The following GTF2A1L variants were observed in gnomAD, a reference collection of about 807,000 sequenced individuals.
GTF2A1L encodes general transcription factor IIA subunit 1 like.
A neutral mutation model predicts 49.7 loss-of-function variants in GTF2A1L; 48 were observed. The observed-to-expected ratio is 0.97, with a 90% CI of 0.77 to 1.23. GTF2A1L has a LOEUF of 1.23. GTF2A1L is among the 50% of genes most tolerant of loss of function. The probability of loss-of-function intolerance (pLI) is 0.00; values close to 1 mark genes in which losing one functional copy is unlikely to be tolerated. For missense variants in GTF2A1L, 736 were observed against 564.8 expected (o/e 1.30, Z -3.07); for synonymous variants, 246 against 193.5 (o/e 1.27, Z -2.25).
At chr2:48,644,401 T>C (rs1315322401) in intron 4 of GTF2A1L, among the ~76,000 whole-genome samples, 1 of 152,216 alleles carries the variant, frequency 6.6e-6, no homozygotes, top group African/African-American at 2.4e-5. Flanking sequence ...TAGTACAAAT[T>C]GACCTTCGTG....
intron 3 of GTF2A1L, among the ~76,000 whole-genome samples, chr2:48,631,800 T>C (rs1485052431): frequency 1.3e-5 from 2 of 152,202 alleles, no homozygotes; most frequent in Non-Finnish European, 2.9e-5. Flanking sequence ...TTTAGTACTA[T>C]ACAGTTTCCT....
At chr2:48,648,188 T>C (rs779607916) in intron 6 of GTF2A1L, among the ~76,000 whole-genome samples, 1 of 152,132 alleles carries the variant, frequency 6.6e-6, no homozygotes, top group Non-Finnish European at 1.5e-5. Flanking sequence ...TTTTAGTTTT[T>C]CTATAAGTGT....
intron 3 of GTF2A1L, 46 bp from the exon 4 acceptor site, chr2:48,642,356 A>G: frequency 6.8e-7 from 1 of 1,477,752 alleles, no homozygotes; most frequent in Non-Finnish European, 9.2e-7. Context: ...ATTTTATTAA[A>G]TTGGTAAATT....
intron 3 of GTF2A1L, among the ~76,000 whole-genome samples, chr2:48,630,257 T>G (rs1377444930): frequency 1.4e-5 from 2 of 143,676 alleles, no homozygotes; most frequent in African/African-American, 5.0e-5. Context: ...GAGCTTGGAG[T>G]GTTTCTCCAT....
At chr2:48,659,663 T>G (rs951635730) in intron 6 of GTF2A1L, among the ~76,000 whole-genome samples, 5 of 152,126 alleles carry the variant, frequency 3.3e-5, no homozygotes, top group African/African-American at 1.2e-4. Flanking sequence ...TTTGTTGTTT[T>G]CAGCATATAC....
intron 3 of GTF2A1L, among the ~76,000 whole-genome samples, chr2:48,630,044 A>G (rs192605790): frequency 6.9e-6 from 1 of 144,338 alleles, no homozygotes; most frequent in African/African-American, 2.5e-5. Context: ...GAAGTTCTGT[A>G]ATATGATGCC....
chr2:48,620,911 G>A lies in GTF2A1L; in HGVS notation c.82G>A (p.Glu28Lys), dbSNP rs778774854. The change falls in exon 2 of 9, where the codon GAA (glutamate) becomes AAA (lysine). Residue 28 changes from glutamate (E) to lysine (K), a missense_variant. Transcript: ENST00000403751. ...VIEGVRNLFA[E>K]EGIEEQVLKD... ...TGAAGGAGTTCGGAATCTATTTGCT[G>A]AAGAAGGTATAGAGGAACAAGTTTT... The A allele has an allele frequency of 1.3e-5, 21 of 1,607,090 alleles. No homozygotes were observed. The highest frequency in any genetic ancestry group is 1.6e-5 in the Non-Finnish European group (19 of 1,176,950).
chr2:48,621,905 T>C (rs965573559), intron 3 of GTF2A1L, among the ~76,000 whole-genome samples: 2 of 152,224 alleles, frequency 1.3e-5, no homozygotes, highest in African/African-American at 2.4e-5. Flanking sequence ...TAATAAAAGA[T>C]AAAACTTAAG....
intron 6 of GTF2A1L, among the ~76,000 whole-genome samples, chr2:48,660,266 T>C (rs891613963): frequency 6.6e-6 from 1 of 152,186 alleles, no homozygotes; most frequent in Non-Finnish European, 1.5e-5. Context: ...GTCTTTGTCT[T>C]TGGTATCAGG....
chr2:48,676,369 G>T (rs1193600543), intron 8 of GTF2A1L, among the ~76,000 whole-genome samples: 1 of 151,754 alleles, frequency 6.6e-6, no homozygotes, highest in African/African-American at 2.4e-5. Flanking sequence ...CCAGAAATGG[G>T]ATTCTGGGTC....
chr2:48,617,982 C>G (rs529259320), intron 1 of GTF2A1L, 87 bp downstream of exon 1: 2 of 1,332,224 alleles, frequency 1.5e-6, no homozygotes, highest in African/African-American at 1.5e-5. Context: ...TTGTTTCCCC[C>G]TGACACTTTA....
At chr2:48,674,248 A>G (rs1679335350) in intron 8 of GTF2A1L, among the ~76,000 whole-genome samples, 1 of 152,194 alleles carries the variant, frequency 6.6e-6, no homozygotes, top group African/African-American at 2.4e-5. Context: ...ATTTCTCCAC[A>G]TCCTGGCCAG....
chr2:48,636,145 T>C (rs545420581), intron 3 of GTF2A1L, among the ~76,000 whole-genome samples: 1 of 152,346 alleles, frequency 6.6e-6, no homozygotes, highest in African/African-American at 2.4e-5. Context: ...CATTGATCTT[T>C]ATTTACTATT....
In GTF2A1L at chr2:48,636,308, C is replaced by G. The variant is rs112852293; in HGVS notation, c.248-6094C>G. ...GAAATGCTTTATCCTTCTATTTCAT[C>G]TCGTAAAATATTAAAAGGAAGTATA... On this transcript the variant is annotated intron_variant, in intron 3 of 8. Transcript: ENST00000403751. Among the ~76,000 whole-genome samples the G allele has an allele frequency of 2.7e-3, 418 of 152,254 alleles. 6 individuals are homozygous for G. Among genetic ancestry groups the G allele is most frequent in the African/African-American group, 9.8e-3 (407 of 41,542 alleles).
At chr2:48,628,066 T>A (rs1305800848) in intron 3 of GTF2A1L, among the ~76,000 whole-genome samples, 1 of 144,432 alleles carries the variant, frequency 6.9e-6, no homozygotes, top group Non-Finnish European at 1.6e-5. Flanking sequence ...TCTTTGTTTT[T>A]TATGAGTGCA....
At chr2:48,640,309 T>A (rs10865233) in intron 3 of GTF2A1L, among the ~76,000 whole-genome samples, 130,940 of 152,208 alleles carry the variant, frequency 0.86, 56,584 homozygotes, top group East Asian at 0.99. Flanking sequence ...CATCAGTGAC[T>A]GACTGGATAA....
At chr2:48,638,886 A>G (rs1296746529) in intron 3 of GTF2A1L, among the ~76,000 whole-genome samples, 1 of 152,146 alleles carries the variant, frequency 6.6e-6, no homozygotes, top group Non-Finnish European at 1.5e-5. Flanking sequence ...TTTGGATACA[A>G]AAATCAATGT....
intron 7 of GTF2A1L, among the ~76,000 whole-genome samples, chr2:48,670,844 G>C (rs1304006782): frequency 6.6e-6 from 1 of 152,022 alleles, no homozygotes; most frequent in Non-Finnish European, 1.5e-5. Context: ...TTATTTTTGA[G>C]ACAGGGTCTT....
Position 48,679,488 on chromosome 2 carries a change from A to T in GTF2A1L, c.*46A>T, listed in dbSNP as rs775167119. On this transcript the variant is annotated 3_prime_UTR_variant, in exon 9 of 9. Coordinates refer to ENST00000403751, the MANE Select transcript of GTF2A1L (RefSeq NM_006872.5). ...CTATTTTGTGAACATCAGTTGGATTATATTGCATATTGTGAATTCATTTTT... is the reference window on the plus strand; with the variant it reads ...CTATTTTGTGAACATCAGTTGGATTTTATTGCATATTGTGAATTCATTTTT... 2 of 1,599,226 alleles carry T rather than the reference A, an allele frequency of 1.3e-6. No individual in the cohort carries two copies. Among genetic ancestry groups the T allele is most frequent in the East Asian group, 2.2e-5 (1 of 44,570 alleles).
Sources: gnomAD v4.1 joint callset for allele counts (sites outside exome capture counted in the v4.1 genomes callset) on GRCh38, gnomAD v4.1.1 for gene constraint, MANE v1.5 for transcripts, NCBI Gene and HGNC (gene_info 2026-07-23, HGNC 2026-07-21) for gene names.